Variants in CTDSPL2 observed in about 807,000 individuals in gnomAD.
CTDSPL2 encodes CTD small phosphatase-like protein 2.
Under a neutral mutation model 60.0 loss-of-function variants are expected in CTDSPL2, and 5 were observed. The ratio of observed to expected loss-of-function variants is 0.08; its 90% CI spans 0.04 to 0.18. The LOEUF (loss-of-function observed/expected upper bound fraction) is 0.18, where lower values mean the gene tolerates loss of function less well. CTDSPL2 is among the 10% of genes least tolerant of loss of function. CTDSPL2 has a pLI of 1.00. For missense variants in CTDSPL2, 370 were observed against 548.8 expected (o/e 0.67, Z 3.26); for synonymous variants, 186 against 189.3 (o/e 0.98, Z 0.14).
intron 1 of CTDSPL2, chr15:44,448,523 G>A (rs2080267078): frequency 3.7e-6 from 1 of 268,876 alleles, no homozygotes; most frequent in South Asian, 4.7e-5. Context: ...TCTCTGCTTT[G>A]TAGTGATCTT....
chr15:44,512,868 C>T (rs1318583338), intron 8 of CTDSPL2, among the ~76,000 whole-genome samples: 12 of 150,638 alleles, frequency 8.0e-5, no homozygotes, highest in Non-Finnish European at 1.8e-4. Flanking sequence ...AGGCAGATCA[C>T]TTGAGGTTAG....
At chr15:44,491,638 C>A (rs2081215977) in intron 5 of CTDSPL2, among the ~76,000 whole-genome samples, 1 of 152,118 alleles carries the variant, frequency 6.6e-6, no homozygotes, top group Admixed American at 6.6e-5. Context: ...AGGCCATCTT[C>A]TTATTAGGGC....
At chr15:44,471,471 A>T (rs1394854820) in intron 2 of CTDSPL2, among the ~76,000 whole-genome samples, 1 of 152,134 alleles carries the variant, frequency 6.6e-6, no homozygotes, top group Non-Finnish European at 1.5e-5. Flanking sequence ...CAGCTCTATG[A>T]GTTTGGGGAT....
intron 2 of CTDSPL2, 45 bp downstream of exon 2, chr15:44,459,245 T>G: frequency 1.4e-6 from 2 of 1,465,874 alleles, no homozygotes; most frequent in Non-Finnish European, 1.8e-6. Flanking sequence ...AAGTGAAAAT[T>G]GGCCGGGCAC....
Position 44,456,428 on chromosome 15 carries a change from T to G in CTDSPL2, c.-24-2563T>G, listed in dbSNP as rs575793754. Reference sequence around the variant, plus strand: ...TTGCCTCAATTTCAGCTCCTGTTATTGTTCTATTCAGAGATTCAACTTCTT... The same window carrying G: ...TTGCCTCAATTTCAGCTCCTGTTATGGTTCTATTCAGAGATTCAACTTCTT... On this transcript the variant is annotated intron_variant, in intron 1 of 12. Transcript: ENST00000260327. 9.5e-4 allele frequency among the ~76,000 whole-genome samples: 144 copies of G among 152,326 alleles called. 5 individuals are homozygous for G. In the South Asian group the frequency reaches 0.029, roughly 31 times the overall value.
At chr15:44,448,809 G>A in intron 1 of CTDSPL2, 1 of 345,264 alleles carries the variant, frequency 2.9e-6, no homozygotes, top group Non-Finnish European at 5.6e-6. Flanking sequence ...GCTTAGGAGG[G>A]AAAAAAAAAT....
chr15:44,466,776 CA>C (rs36050498), intron 2 of CTDSPL2, among the ~76,000 whole-genome samples: 2,755 of 143,238 alleles, frequency 0.019, 97 homozygotes, highest in East Asian at 0.14. Context: ...ACTAAAAATA[CA>C]AAAAAAAAAA....
chr15:44,474,132 A>G (rs1366903587), intron 2 of CTDSPL2, among the ~76,000 whole-genome samples: 1 of 152,166 alleles, frequency 6.6e-6, no homozygotes, highest in African/African-American at 2.4e-5. Context: ...ACAGAATGTT[A>G]AGACTCATAT....
intron 1 of CTDSPL2, chr15:44,448,450 G>A (rs9672237): frequency 0.083 from 20,463 of 245,500 alleles, 2,023 homozygotes; most frequent in African/African-American, 0.26. Context: ...GGCACCCCCA[G>A]TGTAGTCAGC....
chr15:44,496,439 G>T lies in CTDSPL2; in HGVS notation c.751G>T (p.Asp251Tyr). Residue 251 changes from aspartate to tyrosine, a missense_variant, in exon 6 of 13, where the codon GAC becomes TAC. Transcript: ENST00000260327. ...CCACGCGGAGGCCACCTATGAAGAA[G>T]ACTGGGAAGTATTTGACCCGTGAGT... ...SAHAEATYEEDWEVFDPYYFI... is the reference protein window; with the variant it reads ...SAHAEATYEEYWEVFDPYYFI... 1 of 1,613,766 alleles carries T rather than the reference G, an allele frequency of 6.2e-7. No homozygotes were observed. Among genetic ancestry groups the T allele is most frequent in the Non-Finnish European group, 8.5e-7 (1 of 1,179,746 alleles).
At chr15:44,499,942 AC>A in intron 8 of CTDSPL2, 129 bp downstream of exon 8, 1 of 560,580 alleles carries the variant, frequency 1.8e-6, no homozygotes, top group Non-Finnish European at 3.2e-6. Context: ...GATTTCATCA[AC>A]ATTTTAATGA....
At chr15:44,428,814 T>G (rs2079798971) in intron 1 of CTDSPL2, among the ~76,000 whole-genome samples, 1 of 152,232 alleles carries the variant, frequency 6.6e-6, no homozygotes, top group South Asian at 2.1e-4. Context: ...TGGTCCATTT[T>G]TTATTCTTAG....
chr15:44,439,556 A>G (rs116361414), intron 1 of CTDSPL2, among the ~76,000 whole-genome samples: 4,562 of 150,678 alleles, frequency 0.03, 249 homozygotes, highest in African/African-American at 0.11. Flanking sequence ...GGGGGGGGGA[A>G]TATTTGCATT....
chr15:44,443,908 CA>C (rs1165528235), intron 1 of CTDSPL2, among the ~76,000 whole-genome samples: 1 of 152,062 alleles, frequency 6.6e-6, no homozygotes, highest in Non-Finnish European at 1.5e-5. Context: ...AAATTAAAAA[CA>C]AAATTTTTTA....
intron 1 of CTDSPL2, among the ~76,000 whole-genome samples, chr15:44,431,045 C>T (rs1487057462): frequency 6.6e-6 from 1 of 151,964 alleles, no homozygotes; most frequent in Admixed American, 6.6e-5. Flanking sequence ...TGGTCTTGAA[C>T]TCCTGACCTC....
In CTDSPL2 at chr15:44,458,990, G is replaced by T; in HGVS notation, c.-24-1G>T. 6.7e-7 allele frequency: 1 copy of T among 1,484,274 alleles called. No homozygotes were observed. The highest frequency in any genetic ancestry group is 9.0e-7 in the Non-Finnish European group (1 of 1,114,628). 91.9% of individuals were successfully genotyped at this position (1,484,274 alleles called of 1,614,324 possible). ...TTACATTTATTATTTTTCTCTTTTA[G>T]TTTTACATGTGGCACCCATAAAAGA... On this transcript the variant is annotated splice_acceptor_variant, in intron 1 of 12. Transcript: ENST00000260327. LOFTEE classifies it low-confidence loss of function (5UTR_SPLICE).
chr15:44,492,970 C>G (rs917335141), intron 5 of CTDSPL2, among the ~76,000 whole-genome samples: 1 of 152,072 alleles, frequency 6.6e-6, no homozygotes, highest in African/African-American at 2.4e-5. Context: ...TTTTTTCTGA[C>G]AACTGTGAAG....
intron 8 of CTDSPL2, among the ~76,000 whole-genome samples, chr15:44,502,528 A>G (rs1042672394): frequency 1.3e-5 from 2 of 152,304 alleles, no homozygotes; most frequent in Middle Eastern, 3.4e-3. Context: ...GGTCCCTGTC[A>G]TGACTGCTTT....
chr15:44,522,053 A>AG (rs2140874836), intron 12 of CTDSPL2, among the ~76,000 whole-genome samples: 1 of 148,332 alleles, frequency 6.7e-6, no homozygotes, highest in Non-Finnish European at 1.5e-5. Flanking sequence ...AACTTTTTTG[A>AG]GGCAGGGTCT....
Sources: allele counts gnomAD v4.1 joint callset (sites outside exome capture counted in the v4.1 genomes callset), GRCh38; gene constraint gnomAD v4.1.1; transcripts MANE v1.5; gene names NCBI Gene and HGNC (gene_info 2026-07-23, HGNC 2026-07-21).